Variants in ENTREP1 observed in about 807,000 individuals in gnomAD.
The protein encoded by ENTREP1 is endosomal transmembrane epsin interactor 1, also known as Friedreich ataxia region gene X123.
chr9:69,389,966 C>T, the ENTREP1 span, among the ~76,000 whole-genome samples: 2 of 152,192 alleles, frequency 1.3e-5, no homozygotes, highest in Non-Finnish European at 2.9e-5. Flanking sequence ...TATACCTTTT[C>T]CCTGGTAGAA....
At chr9:69,383,826 C>A in the ENTREP1 span, 3 of 1,599,254 alleles carry the variant, frequency 1.9e-6, no homozygotes, top group Non-Finnish European at 2.6e-6. Context: ...CCGCCCCACC[C>A]CCTGCCCCCA....
At chr9:69,352,566 T>G in the ENTREP1 span, among the ~76,000 whole-genome samples, 2 of 152,358 alleles carry the variant, frequency 1.3e-5, no homozygotes, top group Admixed American at 6.5e-5. Context: ...TGAGGTGTTA[T>G]TAGTATCCTC....
At chr9:69,367,422 G>A in the ENTREP1 span, among the ~76,000 whole-genome samples, 65,495 of 150,614 alleles carry the variant, frequency 0.43, 14,682 homozygotes, top group African/African-American at 0.55. Context: ...AGGGATTGCA[G>A]TGAATCTTTA....
chr9:69,367,514 G>A, the ENTREP1 span, among the ~76,000 whole-genome samples: 10 of 148,568 alleles, frequency 6.7e-5, no homozygotes, highest in South Asian at 8.4e-4. Flanking sequence ...ATTTATTTTT[G>A]TCTTCTTTCA....
the ENTREP1 span, chr9:69,387,254 A>G: frequency 6.6e-6 from 1 of 152,266 alleles, no homozygotes; most frequent in African/African-American, 2.4e-5. Context: ...AGCTCCCCAC[A>G]CCTGCCTTTC....
chr9:69,340,107 T>A, the ENTREP1 span, among the ~76,000 whole-genome samples: 4 of 152,218 alleles, frequency 2.6e-5, no homozygotes, highest in Non-Finnish European at 4.4e-5. Flanking sequence ...CTCTCAAAAT[T>A]TCTTTTACTT....
At chr9:69,388,769 T>C in the ENTREP1 span, among the ~76,000 whole-genome samples, 10 of 152,320 alleles carry the variant, frequency 6.6e-5, no homozygotes, top group East Asian at 1.9e-3. Flanking sequence ...CATTCAACAT[T>C]TGATTTCCTG....
the ENTREP1 span, among the ~76,000 whole-genome samples, chr9:69,378,972 G>A: frequency 1.3e-5 from 2 of 152,154 alleles, no homozygotes; most frequent in African/African-American, 4.8e-5. Context: ...CTAACCCAGA[G>A]TGGCAAGGCA....
chr9:69,383,044 G>T, the ENTREP1 span: 2 of 983,786 alleles, frequency 2.0e-6, no homozygotes, highest in Non-Finnish European at 2.4e-6. Context: ...ATCTTGTGGA[G>T]GATTTTGCTA....
the ENTREP1 span, among the ~76,000 whole-genome samples, chr9:69,373,364 C>T: frequency 6.6e-6 from 1 of 152,128 alleles, no homozygotes; most frequent in African/African-American, 2.4e-5. Context: ...CCACTCTGCC[C>T]ATACCTGTCA....
chr9:69,388,188 C>T, the ENTREP1 span: 3 of 1,614,180 alleles, frequency 1.9e-6, no homozygotes, highest in Non-Finnish European at 2.5e-6. Context: ...GAAGCTGCAA[C>T]ACAGACTGAA....
At chr9:69,337,392 C>T in the ENTREP1 span, among the ~76,000 whole-genome samples, 1 of 152,018 alleles carries the variant, frequency 6.6e-6, no homozygotes, top group Admixed American at 6.6e-5. Context: ...GTTGAACAAC[C>T]TTAGAATTTT....
At chr9:69,377,580 C>G in the ENTREP1 span, 2 of 1,612,938 alleles carry the variant, frequency 1.2e-6, no homozygotes, top group Admixed American at 3.3e-5. Flanking sequence ...GTAATGAAGG[C>G]TGTTGACTAA....
At chr9:69,381,055 A>G in the ENTREP1 span, 2 of 152,252 alleles carry the variant, frequency 1.3e-5, no homozygotes, top group Non-Finnish European at 2.9e-5. Context: ...TTCTCTGGTC[A>G]ATGGTGTATC....
At chr9:69,377,469 T>A in the ENTREP1 span, 53 of 1,613,252 alleles carry the variant, frequency 3.3e-5, no homozygotes, top group East Asian at 1.1e-3. Context: ...AACCAGGAGA[T>A]CCTGCATCGT....
the ENTREP1 span, among the ~76,000 whole-genome samples, chr9:69,378,010 C>G: frequency 1.6e-5 from 2 of 128,338 alleles, no homozygotes. Flanking sequence ...TCTATTCTCT[C>G]TGTCTCTCTC....
the ENTREP1 span, chr9:69,325,087 C>A: frequency 2.0e-6 from 2 of 985,246 alleles, no homozygotes; most frequent in Admixed American, 1.2e-4. Flanking sequence ...CCAGGGCCAG[C>A]GGGAGGCGGA....
chr9:69,336,359 T>G, the ENTREP1 span: 1 of 735,610 alleles, frequency 1.4e-6, no homozygotes, highest in Non-Finnish European at 2.3e-6. Flanking sequence ...ATGCTTAAGC[T>G]TCCTTGTTCA....
At chr9:69,329,957 T>C in the ENTREP1 span, among the ~76,000 whole-genome samples, 1 of 108,644 alleles carries the variant, frequency 9.2e-6, no homozygotes, top group Non-Finnish European at 1.9e-5. Flanking sequence ...TCCACTGGGG[T>C]ATGGGAGTTA....
Sources: allele counts gnomAD v4.1 joint callset (sites outside exome capture counted in the v4.1 genomes callset), GRCh38; gene constraint gnomAD v4.1.1; transcripts MANE v1.5; gene names NCBI Gene and HGNC (gene_info 2026-07-23, HGNC 2026-07-21).